Variants in UTP11 observed in about 807,000 individuals in gnomAD.
The protein encoded by UTP11 is UTP11 small subunit processome component.
A neutral mutation model predicts 39.0 loss-of-function variants in UTP11; 29 were observed. The ratio of observed to expected loss-of-function variants is 0.74; its 90% CI spans 0.55 to 1.01. The LOEUF is 1.01. Among genes scored for constraint, UTP11 ranks in the 50% least tolerant of loss-of-function variants. The pLI is 0.00. For missense variants in UTP11, 281 were observed against 306.0 expected, an observed-to-expected ratio of 0.92 and a Z score of 0.61; for synonymous variants, 111 against 105.0, an observed-to-expected ratio of 1.06 and a Z score of -0.35.
intron 7 of UTP11, 42 bp downstream of exon 7, chr1:38,022,851 C>G (rs1318003813): frequency 3.7e-6 from 5 of 1,356,068 alleles, no homozygotes; most frequent in Non-Finnish European, 2.1e-6. Context: ...TTTTTTTCCC[C>G]CTTTTCTTTC....
rs149784919 is a variant in UTP11, at chr1:38,017,683, A to C, written c.141A>C (p.Lys47Asn). The C allele has an allele frequency of 3.7e-6, 6 of 1,600,528 alleles. No individual in the cohort carries two copies. In the African/African-American group the frequency reaches 4.1e-5, roughly 11 times the overall value. Residue 47 changes from lysine to asparagine, a missense_variant, in exon 3 of 8, where the codon AAA becomes AAC. Transcript: ENST00000373014. ...TGTCTTTTAGTGACTACCGTAAAAA[A>C]CAAGAATACCTCAAAGCTCTTCGGA... ...YKLRADDYRK[K>N]QEYLKALRKK...
intron 2 of UTP11, chr1:38,016,649 T>C (rs1646708437): frequency 6.1e-6 from 3 of 489,496 alleles, no homozygotes; most frequent in Non-Finnish European, 1.1e-5. Context: ...ATTTGTATTA[T>C]GTTGTTCCAG....
At chr1:38,018,912 T>C (rs967141648) in intron 4 of UTP11, 147 bp from the exon 5 acceptor site, 6 of 721,104 alleles carry the variant, frequency 8.3e-6, no homozygotes, top group African/African-American at 5.4e-5. Flanking sequence ...CTGATATTTG[T>C]TGGGATCCTT....
chr1:38,017,625 T>C, intron 2 of UTP11, 43 bp from the exon 3 acceptor site: 1 of 464,674 alleles, frequency 2.2e-6, no homozygotes, highest in South Asian at 4.6e-5. Flanking sequence ...AAATTATCTA[T>C]TTTTTTTTTT....
intron 1 of UTP11, among the ~76,000 whole-genome samples, chr1:38,015,420 G>T (rs1045940124): frequency 1.3e-5 from 2 of 152,206 alleles, no homozygotes; most frequent in African/African-American, 4.8e-5. Context: ...TGGCCCTAGG[G>T]AGAATGGGTT....
At chr1:38,021,786 G>T (rs1376966570) in intron 6 of UTP11, among the ~76,000 whole-genome samples, 1 of 152,040 alleles carries the variant, frequency 6.6e-6, no homozygotes, top group African/African-American at 2.4e-5. Flanking sequence ...CCAGCTACTA[G>T]GGAGGCTGAG....
chr1:38,014,523 A>G (rs554426793), intron 1 of UTP11, among the ~76,000 whole-genome samples: 2 of 152,370 alleles, frequency 1.3e-5, no homozygotes, highest in South Asian at 2.1e-4. Context: ...AGAGATTTCA[A>G]GATTTCTGCC....
chr1:38,018,393 G>T, intron 3 of UTP11, 71 bp from the exon 4 acceptor site: 1 of 1,175,834 alleles, frequency 8.5e-7, no homozygotes, highest in Non-Finnish European at 1.2e-6. Flanking sequence ...TGTTCTAGCC[G>T]TGCACTGTGC....
intron 6 of UTP11, 105 bp downstream of exon 6, chr1:38,019,488 A>G: frequency 1.0e-6 from 1 of 984,158 alleles, no homozygotes. Flanking sequence ...TTTAAAATTT[A>G]TTTTATTTTA....
At chr1:38,018,667 C>T (rs1161846074) in intron 4 of UTP11, 90 bp downstream of exon 4, 1 of 972,792 alleles carries the variant, frequency 1.0e-6, no homozygotes, top group Non-Finnish European at 1.6e-6. Context: ...TTTCTTCTGG[C>T]ATTTACAATC....
chr1:38,016,936 T>TG (rs1646710308), intron 2 of UTP11: 1 of 159,710 alleles, frequency 6.3e-6, no homozygotes, highest in Admixed American at 6.0e-5. Context: ...TACTTCTTAA[T>TG]TATTTGTTAG....
chr1:38,019,084 T>A lies in UTP11; in HGVS notation c.368T>A (p.Leu123His). ...AAAATCGAAAGACTAAAATCAGAGC[T>A]CCATCTGCTGGATTTCCAGGGGAAG... ...AKKIERLKSELHLLDFQGKQQ... is the reference protein window; with the variant it reads ...AKKIERLKSEHHLLDFQGKQQ... The change falls in exon 5 of 8, where the codon CTC becomes CAC. Residue 123 changes from leucine to histidine, a missense_variant. By Grantham distance (99) the Leu-to-His change is moderately conservative (BLOSUM62 -3). Transcript: ENST00000373014. 1.9e-6 allele frequency: 3 copies of A among 1,613,650 alleles called. No individual in the cohort carries two copies. The highest frequency in any genetic ancestry group is 2.5e-6 in the Non-Finnish European group (3 of 1,179,936).
chr1:38,015,305 G>A (rs181504374), intron 1 of UTP11, among the ~76,000 whole-genome samples: 1 of 152,302 alleles, frequency 6.6e-6, no homozygotes, highest in African/African-American at 2.4e-5. Flanking sequence ...TACAGCATGA[G>A]CCACTGCACC....
chr1:38,013,389 A>G (rs527530636), intron 1 of UTP11, among the ~76,000 whole-genome samples: 2 of 152,326 alleles, frequency 1.3e-5, no homozygotes, highest in South Asian at 2.1e-4. Context: ...CATTCCCATT[A>G]TACAGATGAG....
At chr1:38,022,831 CCT>C in intron 7 of UTP11, 22 bp downstream of exon 7, 1 of 1,500,206 alleles carries the variant, frequency 6.7e-7, no homozygotes, top group Non-Finnish European at 9.1e-7. Context: ...GAGCCTTAGG[CCT>C]CTTTTTTTTT....
At chr1:38,013,093 A>T (rs917676516) in intron 1 of UTP11, among the ~76,000 whole-genome samples, 3 of 152,170 alleles carry the variant, frequency 2.0e-5, no homozygotes, top group African/African-American at 7.2e-5. Context: ...TTCCTTGGGG[A>T]TATAAAACCT....
chr1:38,020,962 C>T (rs1221185286), intron 6 of UTP11, among the ~76,000 whole-genome samples: 1 of 151,558 alleles, frequency 6.6e-6, no homozygotes, highest in East Asian at 1.9e-4. Flanking sequence ...CACTCTGTCA[C>T]CCAGGCTGGA....
In UTP11 at chr1:38,012,762, A is replaced by C. The variant is rs561704515; in HGVS notation, c.-41A>C. ...GGACTTGGCGGCAGAGGCAGTGCGG[A>C]TCCGGCGTTCTCCACTGATCTTTTC... On this transcript the variant is annotated 5_prime_UTR_variant, in exon 1 of 8. Coordinates refer to ENST00000373014, the MANE Select transcript of UTP11 (RefSeq NM_016037.4). The C allele has an allele frequency of 6.2e-7, 1 of 1,613,792 alleles. No homozygotes were observed. The highest frequency in any genetic ancestry group is 1.7e-5 in the Admixed American group (1 of 60,018).
At chr1:38,013,858 G>A (rs1332424715) in intron 1 of UTP11, among the ~76,000 whole-genome samples, 1 of 152,170 alleles carries the variant, frequency 6.6e-6, no homozygotes. Flanking sequence ...GGGACTGCAG[G>A]TGCACACTAC....
Sources: allele counts gnomAD v4.1 joint callset (sites outside exome capture counted in the v4.1 genomes callset), GRCh38; gene constraint gnomAD v4.1.1; transcripts MANE v1.5; gene names NCBI Gene and HGNC (gene_info 2026-07-23, HGNC 2026-07-21).